CCDC171: variants seen among roughly 807,000 people sequenced by gnomAD.
The protein encoded by CCDC171 is coiled-coil domain containing 171.
Under a neutral mutation model 168.2 loss-of-function variants are expected in CCDC171, and 177 were observed. The observed-to-expected ratio is 1.05, with a 90% CI of 0.93 to 1.19. CCDC171 has a LOEUF of 1.19. CCDC171 is among the 50% of genes most tolerant of loss of function. The probability of loss-of-function intolerance (pLI) is 0.00; values close to 1 mark genes in which losing one functional copy is unlikely to be tolerated. For missense variants in CCDC171, 1,991 were observed against 1,539.0 expected (o/e 1.29, Z -4.91); for synonymous variants, 687 against 540.8 (o/e 1.27, Z -3.75).
chr9:15,569,796 C>G (rs961437905), intron 2 of CCDC171, among the ~76,000 whole-genome samples: 1 of 148,002 alleles, frequency 6.8e-6, no homozygotes, highest in Non-Finnish European at 1.5e-5. Context: ...GCCTGGGCGA[C>G]AGAGCGAGAC....
intron 6 of CCDC171, among the ~76,000 whole-genome samples, chr9:15,619,515 G>C (rs1002297421): frequency 2.6e-5 from 4 of 152,186 alleles, no homozygotes; most frequent in Non-Finnish European, 2.9e-5. Context: ...TCTTCAATTT[G>C]ATGAAGGCTG....
intron 6 of CCDC171, among the ~76,000 whole-genome samples, chr9:15,606,864 C>G (rs1301841369): frequency 6.6e-6 from 1 of 152,136 alleles, no homozygotes; most frequent in Admixed American, 6.6e-5. Flanking sequence ...AAAAGAAGAA[C>G]TTCCCTCAAT....
intron 10 of CCDC171, among the ~76,000 whole-genome samples, chr9:15,686,207 G>A (rs906443824): frequency 2.6e-5 from 4 of 152,082 alleles, no homozygotes; most frequent in Non-Finnish European, 4.4e-5. Context: ...TTTATACCTT[G>A]ATATTAATGG....
chr9:15,649,642 G>GA (rs2047343712), intron 7 of CCDC171, among the ~76,000 whole-genome samples: 1 of 152,118 alleles, frequency 6.6e-6, no homozygotes, highest in Non-Finnish European at 1.5e-5. Context: ...ACAGACACAT[G>GA]AAAAAATGCT....
In CCDC171 at chr9:15,821,617, A is replaced by G. The variant is rs1296277754; in HGVS notation, c.3268-25085A>G. On this transcript the variant is annotated intron_variant, in intron 21 of 25. Coordinates refer to ENST00000380701, the MANE Select transcript of CCDC171 (RefSeq NM_173550.4). ...AAGAGAATAAAATACCTAGGAATCC[A>G]ACTTACAAGGGACGTGAAGGACCTC... Among the ~76,000 whole-genome samples, 3 of 116,950 alleles carry G rather than the reference A, an allele frequency of 2.6e-5. 1 individual carries two copies. Among genetic ancestry groups the G allele is most frequent in the South Asian group, 5.6e-4 (2 of 3,556 alleles). 76.7% of individuals were successfully genotyped at this position (116,950 alleles called of 152,430 possible).
At chr9:15,790,232 C>T (rs2058184733) in intron 21 of CCDC171, among the ~76,000 whole-genome samples, 1 of 152,190 alleles carries the variant, frequency 6.6e-6, no homozygotes, top group Non-Finnish European at 1.5e-5. Context: ...TAAAAGTGTT[C>T]CTGTTTCTCC....
intron 3 of CCDC171, among the ~76,000 whole-genome samples, chr9:16,012,194 C>G (rs1832887625): frequency 6.6e-6 from 1 of 152,150 alleles, no homozygotes. Context: ...TCATGTGTGG[C>G]TCCTCCTGTC....
chr9:15,575,271 A>G (rs926426599), intron 3 of CCDC171, among the ~76,000 whole-genome samples: 22 of 150,124 alleles, frequency 1.5e-4, no homozygotes, highest in Non-Finnish European at 1.8e-4. Context: ...CCTGGACTCA[A>G]GTGATCTCCT....
At chr9:15,761,923 T>A (rs1347697478) in intron 18 of CCDC171, among the ~76,000 whole-genome samples, 1 of 152,186 alleles carries the variant, frequency 6.6e-6, no homozygotes, top group Admixed American at 6.5e-5. Flanking sequence ...TATTTTAAAT[T>A]GAAATTTTAT....
chr9:15,922,149 C>G (rs1011492866), intron 25 of CCDC171: 1 of 412,160 alleles, frequency 2.4e-6, no homozygotes, highest in Admixed American at 2.4e-5. Context: ...ATGGTTCACC[C>G]TGTAGTGATT....
the CCDC171 span, among the ~76,000 whole-genome samples, chr9:16,075,721 A>G: frequency 6.6e-6 from 1 of 152,080 alleles, no homozygotes; most frequent in Admixed American, 6.5e-5. Flanking sequence ...CCTCCTTTAA[A>G]TGCTCTGAAA....
At chr9:15,575,157 CTTTTTTTTTTT>C (rs57272096) in intron 3 of CCDC171, among the ~76,000 whole-genome samples, 20 of 86,912 alleles carry the variant, frequency 2.3e-4, no homozygotes, top group East Asian at 5.1e-4. Flanking sequence ...GACATAACTA[CTTTTTTTTTTT>C]TTTTTTTTTT....
Position 15,691,599 on chromosome 9 carries a change from T to A in CCDC171, c.1216-3636T>A, listed in dbSNP as rs988210347. On this transcript the variant is annotated intron_variant, in intron 10 of 25. Transcript: ENST00000380701. ...ACACATAAACTTGGTGCTTTATAAA[T>A]ACTGTGTTTTTTAAGGTAGACTTTG... is the stretch of plus-strand genomic sequence containing the variant. 2.1e-5 allele frequency among the ~76,000 whole-genome samples: 3 copies of A among 142,900 alleles called. 1 individual carries two copies. The South Asian group carries it at 6.8e-4, about 32-fold the overall frequency. 93.7% of individuals were successfully genotyped at this position (142,900 alleles called of 152,430 possible).
At chr9:15,934,565 T>C (rs1022846131) in intron 25 of CCDC171, among the ~76,000 whole-genome samples, 1 of 152,022 alleles carries the variant, frequency 6.6e-6, no homozygotes, top group Non-Finnish European at 1.5e-5. Context: ...CTGGTGGGAA[T>C]GTAAAGTGGT....
upstream of CCDC171, among the ~76,000 whole-genome samples, chr9:16,040,778 C>T (rs1833559157): frequency 1.3e-5 from 2 of 152,200 alleles, no homozygotes; most frequent in African/African-American, 4.8e-5. Context: ...CTTAGCCAAA[C>T]ATGCTATGTG....
intron 23 of CCDC171, among the ~76,000 whole-genome samples, chr9:15,853,164 G>T (rs1343577606): frequency 6.6e-6 from 1 of 151,482 alleles, no homozygotes; most frequent in African/African-American, 2.4e-5. Context: ...ATCAATTTGG[G>T]GAGTATTGTC....
Position 15,600,064 on chromosome 9 carries a change from C to A in CCDC171, c.675+5892C>A, listed in dbSNP as rs545323809. Among the ~76,000 whole-genome samples the A allele has an allele frequency of 1.4e-4, 21 of 151,424 alleles. No homozygotes were observed. The East Asian group carries it at 3.5e-3, about 25-fold the overall frequency. On this transcript the variant is annotated intron_variant, in intron 6 of 25. Transcript: ENST00000380701. ...AGCCATTCGTCTAATCTTTTTTCAT[C>A]TTCTTTGCCATGGGTTCGAACTTCC... is the stretch of plus-strand genomic sequence containing the variant.
At chr9:15,748,588 C>T (rs1463824748) in intron 18 of CCDC171, among the ~76,000 whole-genome samples, 2 of 152,230 alleles carry the variant, frequency 1.3e-5, no homozygotes, top group African/African-American at 4.8e-5. Context: ...GTCGGGTTAC[C>T]CACAAAGGGA....
At chr9:15,623,457 TCA>T in intron 7 of CCDC171, 44 bp downstream of exon 7, 1 of 867,222 alleles carries the variant, frequency 1.2e-6, no homozygotes, top group Non-Finnish European at 1.6e-6. Context: ...GTACAAACTT[TCA>T]CATATGCGCG....
Sources: allele counts gnomAD v4.1 joint callset (sites outside exome capture counted in the v4.1 genomes callset), GRCh38; gene constraint gnomAD v4.1.1; transcripts MANE v1.5; gene names NCBI Gene and HGNC (gene_info 2026-07-23, HGNC 2026-07-21).